SETBP1: variants seen among roughly 807,000 people sequenced by gnomAD.
SETBP1 encodes the protein SET-binding protein.
A neutral mutation model predicts 101.0 loss-of-function variants in SETBP1; 9 were observed. The ratio of observed to expected loss-of-function variants is 0.09; its 90% CI spans 0.05 to 0.16. SETBP1 has a LOEUF of 0.16. SETBP1 is among the 10% of genes least tolerant of loss of function. The pLI is 1.00. For synonymous variants in SETBP1, 818 were observed against 788.5 expected, an observed-to-expected ratio of 1.04 and a Z score of -0.63; for missense variants, 1,858 against 2,033.8, an observed-to-expected ratio of 0.91 and a Z score of 1.66.
intron 3 of SETBP1, among the ~76,000 whole-genome samples, chr18:44,894,413 C>T (rs1231137066): frequency 6.6e-6 from 1 of 151,368 alleles, no homozygotes; most frequent in Non-Finnish European, 1.5e-5. Context: ...TTTTTTTCAC[C>T]CTTCTATGTA....
intron 2 of SETBP1, among the ~76,000 whole-genome samples, chr18:44,766,527 G>T (rs190638921): frequency 0.01 from 1,570 of 152,300 alleles, 60 homozygotes; most frequent in Admixed American, 0.08. Context: ...AGTGGTTTCA[G>T]GGGGTGGGTG....
intron 2 of SETBP1, among the ~76,000 whole-genome samples, chr18:44,749,687 C>T (rs976850231): frequency 6.6e-6 from 1 of 152,142 alleles, no homozygotes; most frequent in African/African-American, 2.4e-5. Flanking sequence ...AATACCATCT[C>T]TCACCAAATC....
chr18:44,888,045 C>T (rs1323721619), intron 3 of SETBP1, among the ~76,000 whole-genome samples: 1 of 152,030 alleles, frequency 6.6e-6, no homozygotes, highest in East Asian at 1.9e-4. Context: ...GGAACTGAAA[C>T]ATTAGAAGAG....
At chr18:44,925,121 A>G (rs1197602830) in intron 3 of SETBP1, among the ~76,000 whole-genome samples, 1 of 148,154 alleles carries the variant, frequency 6.7e-6, no homozygotes, top group African/African-American at 2.5e-5. Context: ...TTTTTTTTAA[A>G]CCACAGCGCT....
intron 2 of SETBP1, among the ~76,000 whole-genome samples, chr18:44,840,381 GGCATA>G (rs998802082): frequency 1.3e-5 from 2 of 152,146 alleles, no homozygotes; most frequent in African/African-American, 4.8e-5. Flanking sequence ...CATGCTTAGT[GGCATA>G]GCACACCTCT....
intron 2 of SETBP1, among the ~76,000 whole-genome samples, chr18:44,734,044 C>G (rs17710169): frequency 0.18 from 26,691 of 152,174 alleles, 2,659 homozygotes; most frequent in Middle Eastern, 0.25. Context: ...GCAAAAGTCA[C>G]ACACTGAAGC....
chr18:44,757,055 G>A (rs998322208), intron 2 of SETBP1, among the ~76,000 whole-genome samples: 11 of 152,060 alleles, frequency 7.2e-5, no homozygotes, highest in African/African-American at 2.7e-4. Flanking sequence ...GTAGGGGAGA[G>A]CGGCTGTATA....
intron 2 of SETBP1, among the ~76,000 whole-genome samples, chr18:44,857,222 G>A (rs370930014): frequency 6.6e-5 from 10 of 152,286 alleles, no homozygotes; most frequent in Non-Finnish European, 8.8e-5. Context: ...GATACAGATA[G>A]GCTTTGCCAA....
chr18:44,939,280 T>A, intron 3 of SETBP1, among the ~76,000 whole-genome samples: 1 of 151,990 alleles, frequency 6.6e-6, no homozygotes, highest in Admixed American at 6.6e-5. Flanking sequence ...GCAACCACTG[T>A]TCTGACACCT....
chr18:45,014,135 G>A (rs1384214181), intron 4 of SETBP1, among the ~76,000 whole-genome samples: 1 of 152,202 alleles, frequency 6.6e-6, no homozygotes, highest in African/African-American at 2.4e-5. Context: ...AGTGCCTGCT[G>A]TACAATCAGC....
At chr18:44,744,949 G>C (rs1449941898) in intron 2 of SETBP1, among the ~76,000 whole-genome samples, 1 of 152,108 alleles carries the variant, frequency 6.6e-6, no homozygotes, top group African/African-American at 2.4e-5. Context: ...GTGGACGTGG[G>C]GCTCCTGAAT....
chr18:44,852,141 TA>T (rs2072881256), intron 2 of SETBP1, among the ~76,000 whole-genome samples: 1 of 152,222 alleles, frequency 6.6e-6, no homozygotes, highest in African/African-American at 2.4e-5. Flanking sequence ...CCCCGCTCAA[TA>T]ATGAGATGCA....
chr18:45,018,940 G>T (rs1290653989), intron 4 of SETBP1, among the ~76,000 whole-genome samples: 3 of 152,164 alleles, frequency 2.0e-5, no homozygotes, highest in Non-Finnish European at 4.4e-5. Flanking sequence ...TAGGACAATG[G>T]AGAGGAGGCA....
At chr18:44,853,496 C>A (rs1487450291) in intron 2 of SETBP1, among the ~76,000 whole-genome samples, 1 of 152,182 alleles carries the variant, frequency 6.6e-6, no homozygotes. Context: ...ATCCAAACAT[C>A]CCTATGAGGT....
chr18:44,998,053 G>T (rs180983712), intron 4 of SETBP1, among the ~76,000 whole-genome samples: 47 of 152,342 alleles, frequency 3.1e-4, no homozygotes, highest in Non-Finnish European at 5.7e-4. Context: ...GGCAGTGAGA[G>T]GCCGTTTAGC....
chr18:44,788,936 G>A (rs1042954161), intron 2 of SETBP1, among the ~76,000 whole-genome samples: 2 of 151,142 alleles, frequency 1.3e-5, no homozygotes, highest in African/African-American at 2.4e-5. Flanking sequence ...TAGCTTAGCC[G>A]GGACTACAGG....
intron 4 of SETBP1, among the ~76,000 whole-genome samples, chr18:44,996,701 G>A (rs1266065419): frequency 6.6e-6 from 1 of 152,212 alleles, no homozygotes; most frequent in Non-Finnish European, 1.5e-5. Flanking sequence ...TTTACAAGAT[G>A]GAGAACCTCA....
At chr18:44,822,491 G>A (rs942086190) in intron 2 of SETBP1, among the ~76,000 whole-genome samples, 5 of 152,208 alleles carry the variant, frequency 3.3e-5, no homozygotes, top group Non-Finnish European at 5.9e-5. Flanking sequence ...AGTAAAGGGT[G>A]TTTAAATTCT....
chr18:44,921,535 A>G (rs1197549020), intron 3 of SETBP1, among the ~76,000 whole-genome samples: 1 of 152,250 alleles, frequency 6.6e-6, no homozygotes, highest in East Asian at 1.9e-4. Context: ...GGGGAGACCC[A>G]TAATCAAAAG....
Sources: allele counts gnomAD v4.1 joint callset (sites outside exome capture counted in the v4.1 genomes callset), GRCh38; gene constraint gnomAD v4.1.1; transcripts MANE v1.5; gene names NCBI Gene and HGNC (gene_info 2026-07-23, HGNC 2026-07-21).